Variants in COL14A1 observed in about 807,000 individuals in gnomAD.
COL14A1 encodes the protein collagen type XIV alpha 1 chain.
COL14A1 carries 136 observed loss-of-function variants against 230.3 expected under a neutral mutation model. That is an observed-to-expected ratio of 0.59 (90% CI 0.51 to 0.68). The LOEUF is 0.68. COL14A1 is among the 30% of genes least tolerant of loss of function. The pLI is 0.00. For synonymous variants in COL14A1, 792 were observed against 784.1 expected (o/e 1.01, Z -0.17); for missense variants, 1,976 against 2,215.8 (o/e 0.89, Z 2.17).
At chr8:120,288,261 T>A (rs748371792) in intron 33 of COL14A1, among the ~76,000 whole-genome samples, 1 of 152,120 alleles carries the variant, frequency 6.6e-6, no homozygotes, top group Non-Finnish European at 1.5e-5. Flanking sequence ...CATCAATGTT[T>A]CCATACTTGG....
intron 34 of COL14A1, among the ~76,000 whole-genome samples, chr8:120,294,316 T>C (rs1820458218): frequency 6.6e-6 from 1 of 151,772 alleles, no homozygotes; most frequent in African/African-American, 2.4e-5. Flanking sequence ...TTGCCTTTTG[T>C]GCTATACCAG....
Position 120,201,897 on chromosome 8 carries a change from GGAAGGT to G in COL14A1, c.878-1809_878-1804del, listed in dbSNP as rs1196782872. Among the ~76,000 whole-genome samples, 8 of 149,124 alleles carry G rather than the reference GGAAGGT, an allele frequency of 5.4e-5. No individual in the cohort carries two copies. The East Asian group carries it at 1.7e-3, about 31-fold the overall frequency. On this transcript the variant is annotated intron_variant, in intron 8 of 47. Coordinates refer to ENST00000297848, the MANE Select transcript of COL14A1 (RefSeq NM_021110.4). ...TGCAACAGTCAAACTATTTTATTTG[GGAAGGT>G]GAGGGAGAAGCAAAATTGGGCCTAT...
chr8:120,225,934 C>T (rs1353715937), intron 15 of COL14A1, among the ~76,000 whole-genome samples: 1 of 150,798 alleles, frequency 6.6e-6, no homozygotes, highest in African/African-American at 2.4e-5. Context: ...ACCAAATCTC[C>T]AGAAGGCTAA....
chr8:120,200,711 CTATTTATATATATA>C (rs1292446192), intron 8 of COL14A1, among the ~76,000 whole-genome samples: 6 of 76,800 alleles, frequency 7.8e-5, no homozygotes, highest in Admixed American at 1.5e-4. Context: ...AAAAGTTTTC[CTATTTATATATATA>C]TATATATATA....
chr8:120,371,064 C>G (rs1823569623), intron 47 of COL14A1, 88 bp from the exon 48 acceptor site: 1 of 1,194,812 alleles, frequency 8.4e-7, no homozygotes, highest in African/African-American at 1.5e-5. Flanking sequence ...CAGGATATCT[C>G]TGTGTCTCTA....
chr8:120,336,415 G>A lies in COL14A1; in HGVS notation c.4785+3680G>A, dbSNP rs138480232. The stretch of plus-strand genomic sequence containing the variant: ...GCAAACACAGAGCACCCCTGTCTCT[G>A]TACATTTTAATATTTTTCAATTCTT... On this transcript the variant is annotated intron_variant, in intron 42 of 47. Coordinates refer to ENST00000297848, the MANE Select transcript of COL14A1 (RefSeq NM_021110.4). Among the ~76,000 whole-genome samples the A allele has an allele frequency of 1.5e-4, 23 of 152,250 alleles. No individual in the cohort carries two copies. The East Asian group carries it at 4.2e-3, about 28-fold the overall frequency.
At chr8:120,181,959 C>G (rs1296322648) in intron 5 of COL14A1, among the ~76,000 whole-genome samples, 1 of 152,004 alleles carries the variant, frequency 6.6e-6, no homozygotes, top group Non-Finnish European at 1.5e-5. Flanking sequence ...CCCGTCACCC[C>G]CCTCCCCGAA....
intron 1 of COL14A1, among the ~76,000 whole-genome samples, chr8:120,143,168 G>C (rs1814970061): frequency 6.6e-6 from 1 of 152,216 alleles, no homozygotes; most frequent in Non-Finnish European, 1.5e-5. Flanking sequence ...ATGCAAACAG[G>C]ATTGTTTGAA....
intron 4 of COL14A1, among the ~76,000 whole-genome samples, chr8:120,165,588 A>G (rs943361968): frequency 6.6e-6 from 1 of 152,204 alleles, no homozygotes; most frequent in Admixed American, 6.5e-5. Flanking sequence ...TTTGCTTGTA[A>G]CAATCTATTT....
intron 3 of COL14A1, 56 bp from the exon 4 acceptor site, chr8:120,162,370 A>G (rs1372772364): frequency 1.4e-6 from 2 of 1,436,422 alleles, no homozygotes; most frequent in Admixed American, 2.3e-5. Context: ...AAGTTTCTTA[A>G]TGTACACAGT....
chr8:120,221,682 C>T (rs1437196533), intron 14 of COL14A1, among the ~76,000 whole-genome samples: 1 of 151,954 alleles, frequency 6.6e-6, no homozygotes, highest in African/African-American at 2.4e-5. Context: ...TGCAAAATTC[C>T]TATTTGTCAC....
At chr8:120,259,740 T>G (rs1819267083) in intron 23 of COL14A1, among the ~76,000 whole-genome samples, 1 of 152,176 alleles carries the variant, frequency 6.6e-6, no homozygotes, top group African/African-American at 2.4e-5. Context: ...GACAGAAAAG[T>G]GCATTTCTAG....
chr8:120,141,397 T>C (rs1378441610), intron 1 of COL14A1, among the ~76,000 whole-genome samples: 1 of 151,864 alleles, frequency 6.6e-6, no homozygotes, highest in Non-Finnish European at 1.5e-5. Flanking sequence ...TTTTAAAAAA[T>C]CAGCAAGGTG....
At chr8:120,228,234 A>T (rs929116687) in intron 17 of COL14A1, among the ~76,000 whole-genome samples, 13 of 152,142 alleles carry the variant, frequency 8.5e-5, no homozygotes, top group Non-Finnish European at 1.3e-4. Context: ...TAAAAAGAGG[A>T]TCTGGGAAGA....
chr8:120,362,875 GGT>G (rs1823269649), intron 45 of COL14A1, among the ~76,000 whole-genome samples: 1 of 151,996 alleles, frequency 6.6e-6, no homozygotes. Context: ...GAAAACTAAG[GGT>G]ATTTTAACCT....
chr8:120,320,546 A>C (rs955177584), intron 40 of COL14A1, among the ~76,000 whole-genome samples: 2 of 152,192 alleles, frequency 1.3e-5, no homozygotes, highest in Non-Finnish European at 2.9e-5. Context: ...TGAGTCAACT[A>C]TCTGGGTTTA....
At chr8:120,135,686 A>T (rs1455693888) in intron 1 of COL14A1, among the ~76,000 whole-genome samples, 1 of 152,132 alleles carries the variant, frequency 6.6e-6, no homozygotes, top group Non-Finnish European at 1.5e-5. Context: ...CTTTGAATCT[A>T]TAGATTATCT....
At chr8:120,364,229 A>G (rs1337640744) in intron 45 of COL14A1, among the ~76,000 whole-genome samples, 1 of 152,130 alleles carries the variant, frequency 6.6e-6, no homozygotes, top group African/African-American at 2.4e-5. Context: ...TTTGTCTATA[A>G]AAAAATGACT....
intron 19 of COL14A1, among the ~76,000 whole-genome samples, chr8:120,235,172 T>G (rs982150242): frequency 4.6e-5 from 7 of 152,112 alleles, no homozygotes; most frequent in African/African-American, 1.7e-4. Flanking sequence ...CCCTTTATCA[T>G]TTTTATTTTT....
Sources: gnomAD v4.1 joint callset for allele counts (sites outside exome capture counted in the v4.1 genomes callset) on GRCh38, gnomAD v4.1.1 for gene constraint, MANE v1.5 for transcripts, NCBI Gene and HGNC (gene_info 2026-07-23, HGNC 2026-07-21) for gene names.